TLK1: variants seen among roughly 807,000 people sequenced by gnomAD.
TLK1 encodes the protein serine/threonine-protein kinase tousled-like 1.
TLK1 carries 24 observed loss-of-function variants against 105.3 expected under a neutral mutation model. The ratio of observed to expected loss-of-function variants is 0.23; its 90% CI spans 0.17 to 0.32. The LOEUF (loss-of-function observed/expected upper bound fraction) is 0.32, where lower values mean the gene tolerates loss of function less well. TLK1 is among the 10% of genes least tolerant of loss of function. The probability of loss-of-function intolerance (pLI) is 1.00; values close to 1 mark genes in which losing one functional copy is unlikely to be tolerated. For synonymous variants in TLK1, 321 were observed against 310.4 expected (o/e 1.03, Z -0.36); for missense variants, 558 against 910.5 (o/e 0.61, Z 4.98).
chr2:171,168,621 T>C (rs985022039), intron 1 of TLK1, among the ~76,000 whole-genome samples: 1 of 152,078 alleles, frequency 6.6e-6, no homozygotes, highest in Non-Finnish European at 1.5e-5. Context: ...GTTTGGAAGA[T>C]AGGGGTTGGA....
At chr2:171,107,451 C>A (rs1430090621) in intron 2 of TLK1, among the ~76,000 whole-genome samples, 1 of 152,106 alleles carries the variant, frequency 6.6e-6, no homozygotes. Flanking sequence ...TTGGGGATGT[C>A]AAATGGTGAG....
At position 170,990,859 on chromosome 2, in the gene TLK1, A is replaced by G. The variant is rs1434446389; in HGVS notation, c.*2921T>C. ...TTACTGCATTTAATAAGTAATGATGAACAGCAAAACAACACACAATATACT... is the reference window on the plus strand; with the variant it reads ...TTACTGCATTTAATAAGTAATGATGGACAGCAAAACAACACACAATATACT... On this transcript the variant is annotated 3_prime_UTR_variant, in exon 21 of 21. Coordinates refer to ENST00000431350, the MANE Select transcript of TLK1 (RefSeq NM_012290.5). 7.0e-6 allele frequency: 1 copy of G among 142,412 alleles called. No homozygotes were observed. Among genetic ancestry groups the G allele is most frequent in the Non-Finnish European group, 1.6e-5 (1 of 63,760 alleles). 8.8% of individuals were successfully genotyped at this position (142,412 alleles called of 1,614,324 possible).
At chr2:171,204,971 A>AT (rs1364757046) in intron 1 of TLK1, among the ~76,000 whole-genome samples, 1 of 151,774 alleles carries the variant, frequency 6.6e-6, no homozygotes, top group Non-Finnish European at 1.5e-5. Flanking sequence ...AAGAAAAAAA[A>AT]AGATTTTAAG....
chr2:171,211,970 C>G (rs1455098073), intron 1 of TLK1, among the ~76,000 whole-genome samples: 1 of 151,882 alleles, frequency 6.6e-6, no homozygotes, highest in South Asian at 2.1e-4. Context: ...CTCAGTCACC[C>G]GAGTAGCTGG....
chr2:171,182,634 C>T (rs144460826), intron 1 of TLK1, among the ~76,000 whole-genome samples: 183 of 152,126 alleles, frequency 1.2e-3, no homozygotes, highest in African/African-American at 4.0e-3. Flanking sequence ...AAAGAATATA[C>T]TGAGGCCAGG....
intron 3 of TLK1, among the ~76,000 whole-genome samples, chr2:171,061,482 A>C (rs181199694): frequency 6.6e-6 from 1 of 152,256 alleles, no homozygotes; most frequent in Non-Finnish European, 1.5e-5. Context: ...GAAAAAAATC[A>C]CCTTAGTGTT....
rs563191059 is a variant in TLK1 at position 171,214,080 on chromosome 2, C to T, written c.-6+17065G>A. Among the ~76,000 whole-genome samples the T allele has an allele frequency of 1.5e-3, 223 of 151,204 alleles. 1 individual carries two copies. The highest frequency in any genetic ancestry group is 2.6e-3 in the Non-Finnish European group (178 of 67,776). ...AATTAGCCGGGCATGGTGGCACATG[C>T]CTGTAGTTTCAGCTACTCGGGAGGC... On this transcript the variant is annotated intron_variant, in intron 1 of 20. Coordinates refer to the TLK1 transcript ENST00000521943.
At chr2:171,124,406 C>T (rs866788257) in intron 1 of TLK1, among the ~76,000 whole-genome samples, 7 of 152,158 alleles carry the variant, frequency 4.6e-5, no homozygotes, top group Admixed American at 2.0e-4. Context: ...CAGTTGAGGG[C>T]AGTTCTCTTT....
In TLK1 at chr2:170,993,393, A is replaced by C. The variant is rs1042180933; in HGVS notation, c.*387T>G. ...ATATTTTTCCATGTGTTTTTAAATA[A>C]TGAAAAACTACCCTTCATATTAGAA... On this transcript the variant is annotated 3_prime_UTR_variant, in exon 21 of 21. Transcript: ENST00000431350. 1 of 158,072 alleles carries C rather than the reference A, an allele frequency of 6.3e-6. No individual in the cohort carries two copies. The highest frequency in any genetic ancestry group is 2.4e-5 in the African/African-American group (1 of 41,742). 9.8% of individuals were successfully genotyped at this position (158,072 alleles called of 1,614,324 possible).
chr2:171,118,274 T>C (rs1266134332), intron 1 of TLK1, among the ~76,000 whole-genome samples: 1 of 152,176 alleles, frequency 6.6e-6, no homozygotes, highest in Non-Finnish European at 1.5e-5. Context: ...AAACCAACAA[T>C]GGACCATGGG....
At chr2:171,194,819 G>A (rs1270511978) in intron 1 of TLK1, among the ~76,000 whole-genome samples, 11 of 89,902 alleles carry the variant, frequency 1.2e-4, no homozygotes, top group African/African-American at 5.6e-4. Flanking sequence ...TCCGTCTCAG[G>A]GAAAAAAAAA....
Position 171,011,416 on chromosome 2 carries a change from A to G in TLK1, c.1373T>C (p.Leu458Ser). 1 of 1,613,582 alleles carries G rather than the reference A, an allele frequency of 6.2e-7. No homozygotes were observed. The highest frequency in any genetic ancestry group is 8.5e-7 in the Non-Finnish European group (1 of 1,179,752). ...GCCACCTCTACCAAGCAGATGAAGT[A>G]ATAAATATCTTTCATTTAATGTTGG... The part of the protein sequence containing the change: ...DHPTLNERYL[L>S]LHLLGRGGFS... The change falls in exon 14 of 21, where the codon TTA (leucine) becomes TCA (serine). Residue 458 changes from leucine to serine, a missense_variant. Around this residue, in one of 5 missense-constraint regions of TLK1, gnomAD observed 218 missense variants for 492.9 expected, o/e 0.44. Coordinates refer to ENST00000431350, the MANE Select transcript of TLK1 (RefSeq NM_012290.5).
At chr2:171,018,742 T>C (rs752214580) in intron 12 of TLK1, among the ~76,000 whole-genome samples, 2 of 152,174 alleles carry the variant, frequency 1.3e-5, no homozygotes, top group Non-Finnish European at 1.5e-5. Context: ...CAGTCCTGAA[T>C]TCATACACTA....
intron 1 of TLK1, among the ~76,000 whole-genome samples, chr2:171,118,673 C>G (rs552881663): frequency 6.6e-6 from 1 of 152,132 alleles, no homozygotes; most frequent in Non-Finnish European, 1.5e-5. Flanking sequence ...TCTATGTCTG[C>G]TAATTCTCTT....
chr2:171,157,103 G>A (rs1264444634), intron 1 of TLK1, among the ~76,000 whole-genome samples: 1 of 152,098 alleles, frequency 6.6e-6, no homozygotes, highest in East Asian at 1.9e-4. Context: ...ACCACTCCTG[G>A]CCCATACAAT....
intron 1 of TLK1, among the ~76,000 whole-genome samples, chr2:171,135,319 G>GTGTGTGTA (rs533903072): frequency 2.8e-5 from 2 of 70,312 alleles, no homozygotes; most frequent in African/African-American, 1.4e-4. Context: ...GTGTGTGTGT[G>GTGTGTGTA]TATATATATA....
At chr2:171,210,765 T>G (rs1172035986) in intron 1 of TLK1, among the ~76,000 whole-genome samples, 2 of 152,156 alleles carry the variant, frequency 1.3e-5, no homozygotes, top group Non-Finnish European at 2.9e-5. Flanking sequence ...AAGGGAGAAT[T>G]TGCCGGCTAA....
intron 2 of TLK1, among the ~76,000 whole-genome samples, chr2:171,096,618 C>T (rs1288100565): frequency 1.3e-5 from 2 of 151,850 alleles, no homozygotes; most frequent in East Asian, 3.9e-4. Flanking sequence ...ATTAGCCAGG[C>T]ATGGTGGCAG....
intron 2 of TLK1, among the ~76,000 whole-genome samples, chr2:171,103,182 C>G (rs1689764635): frequency 6.6e-6 from 1 of 151,184 alleles, no homozygotes; most frequent in South Asian, 2.1e-4. Context: ...GTGTGGGGCA[C>G]AGTGAAGACA....
Sources: gnomAD v4.1 joint callset for allele counts (sites outside exome capture counted in the v4.1 genomes callset) on GRCh38, gnomAD v4.1.1 for gene constraint, gnomAD v4.1.1 regional missense constraint, MANE v1.5 for transcripts, NCBI Gene and HGNC (gene_info 2026-07-23, HGNC 2026-07-21) for gene names.